EPHA6: variants seen among roughly 807,000 people sequenced by gnomAD.
The protein encoded by EPHA6 is EPH receptor A6.
In EPHA6, 50 loss-of-function variants were observed where a neutral mutation model predicts 112.0. The ratio of observed to expected loss-of-function variants is 0.45; its 90% CI spans 0.36 to 0.56. The LOEUF (loss-of-function observed/expected upper bound fraction) is 0.56. Ranked by LOEUF, EPHA6 falls within the 20% of genes least tolerant of loss-of-function variation. The pLI is 0.00. For missense variants in EPHA6, 1,280 were observed against 1,417.4 expected (o/e 0.90, Z 1.56); for synonymous variants, 529 against 490.7 (o/e 1.08, Z -1.03).
chr3:97,012,587 G>A (rs1056209856), intron 3 of EPHA6, among the ~76,000 whole-genome samples: 1 of 105,294 alleles, frequency 9.5e-6, no homozygotes, highest in East Asian at 2.9e-4. Context: ...ATTTATATAT[G>A]TGTGTGTGTG....
chr3:97,274,924 G>A (rs574076469), intron 5 of EPHA6, among the ~76,000 whole-genome samples: 148 of 152,274 alleles, frequency 9.7e-4, no homozygotes, highest in African/African-American at 3.4e-3. Context: ...ATAGCTGAAG[G>A]AGCCGGGGAG....
intron 3 of EPHA6, among the ~76,000 whole-genome samples, chr3:97,058,796 T>G (rs1029407806): frequency 6.6e-6 from 1 of 152,244 alleles, no homozygotes; most frequent in Non-Finnish European, 1.5e-5. Flanking sequence ...GGTGTTCTAA[T>G]AGAGGTAGCT....
chr3:96,902,437 GCA>G (rs2038668420), intron 2 of EPHA6, among the ~76,000 whole-genome samples: 1 of 152,138 alleles, frequency 6.6e-6, no homozygotes, highest in Non-Finnish European at 1.5e-5. Context: ...AAAAGGGAAA[GCA>G]GTGACCCAGA....
chr3:97,575,844 A>G (rs2093378675), intron 11 of EPHA6, among the ~76,000 whole-genome samples: 1 of 152,190 alleles, frequency 6.6e-6, no homozygotes, highest in Non-Finnish European at 1.5e-5. Flanking sequence ...AGAGTAAAAA[A>G]TATAGGTAGA....
chr3:97,555,803 G>C (rs1056274127), intron 11 of EPHA6, among the ~76,000 whole-genome samples: 9 of 152,130 alleles, frequency 5.9e-5, no homozygotes, highest in African/African-American at 2.2e-4. Flanking sequence ...ATTTGTTTGG[G>C]TTCATTGTAG....
At chr3:97,509,297 T>C (rs1242177552) in intron 10 of EPHA6, among the ~76,000 whole-genome samples, 2 of 152,114 alleles carry the variant, frequency 1.3e-5, no homozygotes, top group African/African-American at 4.8e-5. Context: ...TCTTTACAAT[T>C]TGGCATGTTT....
chr3:96,836,078 T>C (rs900471141), intron 1 of EPHA6, among the ~76,000 whole-genome samples: 7 of 152,128 alleles, frequency 4.6e-5, no homozygotes, highest in Non-Finnish European at 1.0e-4. Context: ...GGCTACTACA[T>C]GAGGTATGCA....
At position 97,679,739 on chromosome 3, in the gene EPHA6, A is replaced by T. The variant is rs540877178; in HGVS notation, c.2785-40522A>T. 4.6e-5 allele frequency among the ~76,000 whole-genome samples: 7 copies of T among 152,232 alleles called. No individual in the cohort carries two copies. In the South Asian group the frequency reaches 1.5e-3, roughly 32 times the overall value. On this transcript the variant is annotated intron_variant, in intron 14 of 17. Coordinates refer to ENST00000389672, the MANE Select transcript of EPHA6 (RefSeq NM_001080448.3). ...CAGACACTTCAATATACCAAAATAC[A>T]TTTCCCGGAAAAATTCTTCCCTGGG...
intron 5 of EPHA6, among the ~76,000 whole-genome samples, chr3:97,385,820 A>T (rs2086032227): frequency 6.6e-6 from 1 of 152,144 alleles, no homozygotes; most frequent in South Asian, 2.1e-4. Flanking sequence ...CAAAGGGGGA[A>T]GTGCTACACA....
intron 12 of EPHA6, among the ~76,000 whole-genome samples, chr3:97,606,626 T>C (rs532616632): frequency 6.6e-6 from 1 of 151,490 alleles, no homozygotes; most frequent in East Asian, 1.9e-4. Flanking sequence ...CGTGATCTGA[T>C]AATCATCAGG....
intron 2 of EPHA6, among the ~76,000 whole-genome samples, chr3:96,946,632 C>T (rs1373199027): frequency 6.6e-6 from 1 of 152,172 alleles, no homozygotes; most frequent in Non-Finnish European, 1.5e-5. Flanking sequence ...CCGCAATAAA[C>T]ATACGTGTGC....
At chr3:97,475,597 T>C in intron 8 of EPHA6, 137 bp downstream of exon 8, 1 of 577,400 alleles carries the variant, frequency 1.7e-6, no homozygotes, top group Non-Finnish European at 3.0e-6. Context: ...ACTCTGACAG[T>C]GAACCATCAT....
At chr3:97,218,134 G>A (rs1335037186) in intron 3 of EPHA6, among the ~76,000 whole-genome samples, 1 of 151,978 alleles carries the variant, frequency 6.6e-6, no homozygotes, top group Admixed American at 6.6e-5. Flanking sequence ...TAGCTGGCAT[G>A]GTGGTGCATG....
chr3:97,273,437 G>T (rs1433815810), intron 5 of EPHA6, among the ~76,000 whole-genome samples: 2 of 152,070 alleles, frequency 1.3e-5, no homozygotes, highest in African/African-American at 2.4e-5. Context: ...GTTTTTTGGG[G>T]GCACAGTCCA....
At chr3:97,466,030 A>G (rs2091040269) in intron 7 of EPHA6, among the ~76,000 whole-genome samples, 1 of 151,784 alleles carries the variant, frequency 6.6e-6, no homozygotes, top group South Asian at 2.1e-4. Context: ...CATGAGACCC[A>G]TTAGATATAG....
chr3:97,321,148 A>G (rs1409937720), intron 5 of EPHA6, among the ~76,000 whole-genome samples: 3 of 151,920 alleles, frequency 2.0e-5, no homozygotes, highest in East Asian at 1.9e-4. Context: ...ATGGTTTACT[A>G]CTTATCTATT....
At chr3:97,213,494 T>C (rs1421139109) in intron 3 of EPHA6, among the ~76,000 whole-genome samples, 1 of 152,186 alleles carries the variant, frequency 6.6e-6, no homozygotes, top group Non-Finnish European at 1.5e-5. Context: ...ACATTCTCTC[T>C]GAGCATTATG....
At chr3:96,864,927 A>C (rs1373892597) in intron 1 of EPHA6, among the ~76,000 whole-genome samples, 1 of 152,094 alleles carries the variant, frequency 6.6e-6, no homozygotes, top group African/African-American at 2.4e-5. Flanking sequence ...TTGGAAATAC[A>C]TGTTGAATTT....
chr3:97,609,388 G>A (rs2093701656), intron 12 of EPHA6, among the ~76,000 whole-genome samples: 1 of 151,252 alleles, frequency 6.6e-6, no homozygotes. Context: ...TAACTTTAAG[G>A]TTTAAAACCT....
Sources: allele counts gnomAD v4.1 joint callset (sites outside exome capture counted in the v4.1 genomes callset), GRCh38; gene constraint gnomAD v4.1.1; transcripts MANE v1.5; gene names NCBI Gene and HGNC (gene_info 2026-07-23, HGNC 2026-07-21).